NCKAP5: variants seen among roughly 807,000 people sequenced by gnomAD.
NCKAP5 encodes NCK associated protein 5.
A neutral mutation model predicts 167.0 loss-of-function variants in NCKAP5; 92 were observed. The observed-to-expected ratio is 0.55, with a 90% CI of 0.47 to 0.66. The LOEUF (loss-of-function observed/expected upper bound fraction) is 0.66, where lower values mean the gene tolerates loss of function less well. Ranked by LOEUF, NCKAP5 falls within the 30% of genes least tolerant of loss-of-function variation. NCKAP5 has a pLI of 0.00. For missense variants in NCKAP5, 2,378 were observed against 2,315.0 expected, an observed-to-expected ratio of 1.03 and a Z score of -0.56; for synonymous variants, 891 against 877.4, an observed-to-expected ratio of 1.02 and a Z score of -0.27.
At chr2:133,448,992 G>T (rs1350973152) in intron 3 of NCKAP5, among the ~76,000 whole-genome samples, 2 of 152,208 alleles carry the variant, frequency 1.3e-5, no homozygotes, top group Non-Finnish European at 2.9e-5. Context: ...ATGTACACAT[G>T]AATAATGAGA....
intron 4 of NCKAP5, among the ~76,000 whole-genome samples, chr2:133,247,056 G>A (rs946701414): frequency 6.6e-5 from 10 of 152,138 alleles, no homozygotes; most frequent in Non-Finnish European, 1.5e-4. Flanking sequence ...GTGAGGCCTT[G>A]CAAATAGAAT....
chr2:132,800,990 T>C (rs1311582300), intron 11 of NCKAP5, among the ~76,000 whole-genome samples: 1 of 152,166 alleles, frequency 6.6e-6, no homozygotes, highest in East Asian at 1.9e-4. Flanking sequence ...CAGCCTCCTT[T>C]ACAGTCAGGT....
At chr2:133,101,864 C>A (rs979767284) in intron 6 of NCKAP5, among the ~76,000 whole-genome samples, 1 of 152,004 alleles carries the variant, frequency 6.6e-6, no homozygotes, top group East Asian at 1.9e-4. Context: ...TGACAGGGTG[C>A]GCAATTGCAG....
chr2:132,880,872 T>C (rs1691691774), intron 8 of NCKAP5, among the ~76,000 whole-genome samples: 1 of 152,210 alleles, frequency 6.6e-6, no homozygotes, highest in Admixed American at 6.5e-5. Context: ...ATTTCTTTTC[T>C]GTACCTGGAA....
At chr2:133,123,779 C>T (rs1322800184) in intron 6 of NCKAP5, 4 of 471,034 alleles carry the variant, frequency 8.5e-6, no homozygotes, top group African/African-American at 6.0e-5. Context: ...CTTTTCTCAT[C>T]TTGTTACATT....
At chr2:133,378,206 C>G (rs926014592) in intron 3 of NCKAP5, among the ~76,000 whole-genome samples, 5 of 151,976 alleles carry the variant, frequency 3.3e-5, no homozygotes, top group Non-Finnish European at 7.4e-5. Context: ...ACAGATCTTA[C>G]TAGGATATGG....
At chr2:133,498,480 AAGGCAGGCAGGCAGGCAGGC>A (rs60553398) in intron 3 of NCKAP5, among the ~76,000 whole-genome samples, 36 of 101,802 alleles carry the variant, frequency 3.5e-4, no homozygotes, top group African/African-American at 1.8e-3. Context: ...GGAAGGAAGG[AAGGCAGGCAGGCAGGCAGGC>A]AGGCAGGCAG....
At chr2:132,799,121 C>T (rs2105185931) in intron 11 of NCKAP5, among the ~76,000 whole-genome samples, 2 of 152,136 alleles carry the variant, frequency 1.3e-5, no homozygotes, top group East Asian at 1.9e-4. Context: ...CTAGAGGAGG[C>T]CATAATCCTA....
At chr2:132,816,754 T>C (rs1039575799) in intron 11 of NCKAP5, among the ~76,000 whole-genome samples, 8 of 152,324 alleles carry the variant, frequency 5.3e-5, no homozygotes, top group African/African-American at 1.7e-4. Context: ...CACGGAGCTA[T>C]GGACCAGCTC....
intron 11 of NCKAP5, among the ~76,000 whole-genome samples, chr2:132,853,553 T>A (rs932665639): frequency 2.6e-5 from 4 of 152,292 alleles, no homozygotes; most frequent in Middle Eastern, 3.4e-3. Flanking sequence ...ATTAATACAA[T>A]TAATACATAT....
chr2:133,377,454 C>A lies in NCKAP5; in HGVS notation c.70-74344G>T, dbSNP rs1209113424. Among the ~76,000 whole-genome samples the A allele has an allele frequency of 2.0e-5, 3 of 152,210 alleles. No homozygotes were observed. In the East Asian group the frequency reaches 5.8e-4, roughly 29 times the overall value. Reference sequence around the variant, plus strand: ...TTTGCCAACAACCACACTTCCTAAACCTCATTAAGCAAGTAGGAAAGAATA... The same window carrying A: ...TTTGCCAACAACCACACTTCCTAAAACTCATTAAGCAAGTAGGAAAGAATA... On this transcript the variant is annotated intron_variant, in intron 3 of 19. Coordinates refer to ENST00000409261, the MANE Select transcript of NCKAP5 (RefSeq NM_207363.3).
rs142969442 is a variant in NCKAP5, at chr2:133,068,290, C to G, written c.341+61688G>C. On this transcript the variant is annotated intron_variant, in intron 6 of 19. Transcript: ENST00000409261. ...AGGCTCTAATACCAACAGGACAGAG[C>G]TGCAAATGTCCTCCCAGCTTCCCCT... 6.2e-4 allele frequency among the ~76,000 whole-genome samples: 94 copies of G among 152,326 alleles called. 2 individuals are homozygous for G. In the East Asian group the frequency reaches 0.018, roughly 29 times the overall value.
intron 8 of NCKAP5, among the ~76,000 whole-genome samples, chr2:132,907,904 G>C (rs902556711): frequency 3.3e-5 from 5 of 152,006 alleles, no homozygotes; most frequent in Admixed American, 2.6e-4. Context: ...TGATCCTCCT[G>C]CCTCATCCTC....
At chr2:133,252,891 A>G (rs1488921034) in intron 4 of NCKAP5, among the ~76,000 whole-genome samples, 2 of 152,228 alleles carry the variant, frequency 1.3e-5, no homozygotes, top group African/African-American at 4.8e-5. Flanking sequence ...CATTTACAAA[A>G]GCAAGCCACA....
chr2:133,315,393 A>T (rs1681530231), intron 3 of NCKAP5, among the ~76,000 whole-genome samples: 1 of 152,180 alleles, frequency 6.6e-6, no homozygotes, highest in African/African-American at 2.4e-5. Flanking sequence ...CAGTTGGATA[A>T]TGTGCTATTT....
In NCKAP5 at chr2:132,672,919, A is replaced by C; in HGVS notation, c.*370T>G. The stretch of plus-strand genomic sequence containing the variant: ...TGAATTTGACAAGGAAGGCTCTGGT[A>C]CTGCAATAGTTTATTGTTATCTCTA... On this transcript the variant is annotated 3_prime_UTR_variant, in exon 20 of 20. Transcript: ENST00000409261. 4 of 951,396 alleles carry C rather than the reference A, an allele frequency of 4.2e-6. No individual in the cohort carries two copies. The highest frequency in any genetic ancestry group is 5.0e-6 in the Non-Finnish European group (4 of 799,042). The allele number at this position is 951,396 out of a possible 1,614,324, so 58.9% of individuals were successfully genotyped here. A position where few individuals can be genotyped will look rare whatever the true frequency, so the allele number is the denominator to read the frequency against.
At chr2:133,226,604 A>ACACACAC (rs1553591195) in intron 4 of NCKAP5, among the ~76,000 whole-genome samples, 2 of 139,182 alleles carry the variant, frequency 1.4e-5, no homozygotes, top group African/African-American at 2.7e-5. Context: ...TTTGAAGATA[A>ACACACAC]ACACACACAC....
chr2:132,833,085 C>T (rs1483060688), intron 11 of NCKAP5, among the ~76,000 whole-genome samples: 1 of 152,108 alleles, frequency 6.6e-6, no homozygotes, highest in East Asian at 1.9e-4. Context: ...AAGATGATAT[C>T]TCATTGTAGT....
intron 3 of NCKAP5, among the ~76,000 whole-genome samples, chr2:133,486,889 T>A (rs1053820476): frequency 2.6e-5 from 4 of 152,164 alleles, no homozygotes; most frequent in Non-Finnish European, 5.9e-5. Flanking sequence ...CTTCCCACAC[T>A]TTTTCATAAG....
Sources: gnomAD v4.1 joint callset for allele counts (sites outside exome capture counted in the v4.1 genomes callset) on GRCh38, gnomAD v4.1.1 for gene constraint, MANE v1.5 for transcripts, NCBI Gene and HGNC (gene_info 2026-07-23, HGNC 2026-07-21) for gene names.